NUP205: variants seen among roughly 807,000 people sequenced by gnomAD.
The protein encoded by NUP205 is nuclear pore complex protein Nup205.
NUP205 carries 76 observed loss-of-function variants against 253.8 expected under a neutral mutation model. That is an observed-to-expected ratio of 0.30 (90% CI 0.25 to 0.36). The LOEUF (loss-of-function observed/expected upper bound fraction) is 0.36. NUP205 is among the 10% of genes least tolerant of loss of function. The pLI is 1.00. For synonymous variants in NUP205, 832 were observed against 850.1 expected (o/e 0.98, Z 0.37); for missense variants, 2,162 against 2,425.5 (o/e 0.89, Z 2.28).
intron 7 of NUP205, among the ~76,000 whole-genome samples, chr7:135,579,484 C>T (rs1482136266): frequency 6.6e-6 from 1 of 151,946 alleles, no homozygotes; most frequent in East Asian, 1.9e-4. Context: ...CGTGAGCCAC[C>T]CCGTCCGGCC....
At chr7:135,629,618 C>T (rs1376213182) in intron 34 of NUP205, among the ~76,000 whole-genome samples, 2 of 151,932 alleles carry the variant, frequency 1.3e-5, no homozygotes, top group Non-Finnish European at 2.9e-5. Context: ...CCTCCACCTC[C>T]CAGGTTCAAG....
Position 135,615,979 on chromosome 7 carries a change from G to C in NUP205, c.3374G>C (p.Arg1125Thr). The change falls in exon 24 of 43, where the codon AGG becomes ACG. Residue 1125 changes from arginine to threonine, a missense_variant. Transcript: ENST00000285968. Reference sequence around the variant, plus strand: ...ATGAAAACTGCCTCAATAGAGCTAAGGGTAACCTCTCTGAATCGTCAGCGG... The same window carrying C: ...ATGAAAACTGCCTCAATAGAGCTAACGGTAACCTCTCTGAATCGTCAGCGG... ...WLMKTASIEL[R>T]VTSLNRQRSH... 1 of 1,613,532 alleles carries C rather than the reference G, an allele frequency of 6.2e-7. No homozygotes were observed. The highest frequency in any genetic ancestry group is 8.5e-7 in the Non-Finnish European group (1 of 1,179,564).
In NUP205 at chr7:135,597,359, TA is replaced by T. The variant is rs773164521; in HGVS notation, c.2014-8del. ...AATGCTCCTGACATCTACTTCTTAC[TA>T]TTTTAAGATACTGCAGACCGTGAGG... On this transcript the variant is annotated splice_polypyrimidine_tract_variant and splice_region_variant and intron_variant, in intron 13 of 42. Coordinates refer to ENST00000285968, the MANE Select transcript of NUP205 (RefSeq NM_015135.3). The T allele has an allele frequency of 6.2e-7, 1 of 1,602,980 alleles. No individual in the cohort carries two copies. The highest frequency in any genetic ancestry group is 8.5e-7 in the Non-Finnish European group (1 of 1,170,220).
At position 135,603,894 on chromosome 7, in the gene NUP205, G is replaced by A. The variant is rs73725170; in HGVS notation, c.2703-446G>A. Among the ~76,000 whole-genome samples the A allele has an allele frequency of 7.1e-3, 1,087 of 152,298 alleles. 14 individuals are homozygous for A. The highest frequency in any genetic ancestry group is 0.025 in the African/African-American group (1,025 of 41,556). On this transcript the variant is annotated intron_variant, in intron 18 of 42. Transcript: ENST00000285968. ...GGAGGATAGGGCTGGAAAGGAAGCAGACTTTTCACAGAAAACTTGAGCTTT... is the reference window on the plus strand; with the variant it reads ...GGAGGATAGGGCTGGAAAGGAAGCAAACTTTTCACAGAAAACTTGAGCTTT...
intron 2 of NUP205, among the ~76,000 whole-genome samples, chr7:135,572,957 CT>C (rs1298720854): frequency 2.6e-5 from 3 of 115,188 alleles, no homozygotes; most frequent in Non-Finnish European, 3.7e-5. Flanking sequence ...TTTTTTTTTT[CT>C]TTTTTTTTCT....
At chr7:135,559,711 G>T (rs1231625225) in intron 1 of NUP205, among the ~76,000 whole-genome samples, 4 of 145,102 alleles carry the variant, frequency 2.8e-5, no homozygotes, top group African/African-American at 1.0e-4. Flanking sequence ...CTTTTTTTGA[G>T]ATGGAGTCTC....
chr7:135,634,674 C>T (rs1045504621), intron 35 of NUP205, among the ~76,000 whole-genome samples: 8 of 152,002 alleles, frequency 5.3e-5, no homozygotes, highest in Admixed American at 3.9e-4. Context: ...GAAGAGAAAG[C>T]GATCCTGGGA....
At position 135,622,798 on chromosome 7, in the gene NUP205, G is replaced by C. The variant is rs779462113; in HGVS notation, c.4352G>C (p.Arg1451Thr). The part of the protein sequence containing the change: ...LEAAKKTMWE[R>T]LTAPEDVFSK... ...TTAGCCAAGAAAACCATGTGGGAAA[G>C]GCTGACAGCCCCTGAAGATGTATTT... The change falls in exon 31 of 43, where the codon AGG becomes ACG. Residue 1451 changes from arginine (R) to threonine (T), a missense_variant. Arg to Thr is a moderately conservative substitution (Grantham distance 71, BLOSUM62 -1). Around this residue, in one of 5 missense-constraint regions of NUP205, gnomAD observed 1,144 missense variants for 1,280.9 expected, o/e 0.89. Transcript: ENST00000285968. 6.2e-7 allele frequency: 1 copy of C among 1,613,838 alleles called. No individual in the cohort carries two copies. Among genetic ancestry groups the C allele is most frequent in the Non-Finnish European group, 8.5e-7 (1 of 1,179,968 alleles).
Position 135,643,364 on chromosome 7 carries a change from A to G in NUP205, c.5559+6A>G, listed in dbSNP as rs1794949828. ...CCCCAGATGAGATAAAAGAGGTACG[A>G]ATCTTATAATGAGCTGGGGGGACTT... On this transcript the variant is annotated splice_donor_region_variant and intron_variant, in intron 39 of 42. Transcript: ENST00000285968. 1.9e-6 allele frequency: 3 copies of G among 1,611,954 alleles called. No individual in the cohort carries two copies. The East Asian group carries it at 6.7e-5, about 36-fold the overall frequency.
At chr7:135,635,773 G>T in intron 36 of NUP205, 116 bp downstream of exon 36, 2 of 569,354 alleles carry the variant, frequency 3.5e-6, no homozygotes, top group African/African-American at 1.9e-5. Flanking sequence ...TGGTTCTTTA[G>T]TTTTTCTAAA....
At chr7:135,578,949 A>G in intron 7 of NUP205, 34 bp downstream of exon 7, 2 of 1,542,618 alleles carry the variant, frequency 1.3e-6, no homozygotes, top group East Asian at 4.6e-5. Flanking sequence ...GTTATGAGAA[A>G]CAGCATGTTA....
chr7:135,619,295 T>C, intron 28 of NUP205, 128 bp from the exon 29 acceptor site: 3 of 957,156 alleles, frequency 3.1e-6, no homozygotes, highest in Non-Finnish European at 4.7e-6. Flanking sequence ...TGAGCTGAGA[T>C]TATGCTACTG....
At chr7:135,608,334 T>C (rs1375381510) in intron 22 of NUP205, among the ~76,000 whole-genome samples, 1 of 152,158 alleles carries the variant, frequency 6.6e-6, no homozygotes, top group Non-Finnish European at 1.5e-5. Flanking sequence ...AGAAAGCACT[T>C]TTTAATAACC....
At chr7:135,598,463 A>G (rs1371790482) in intron 15 of NUP205, among the ~76,000 whole-genome samples, 1 of 152,250 alleles carries the variant, frequency 6.6e-6, no homozygotes, top group East Asian at 1.9e-4. Context: ...TAGTTTAACA[A>G]GTTTTGACTA....
intron 38 of NUP205, among the ~76,000 whole-genome samples, chr7:135,642,793 C>T (rs1301430592): frequency 1.3e-5 from 2 of 151,764 alleles, no homozygotes; most frequent in African/African-American, 4.9e-5. Flanking sequence ...GAATTAGTCA[C>T]TTGGTGTTAA....
At chr7:135,583,300 A>G (rs1422731580) in intron 7 of NUP205, among the ~76,000 whole-genome samples, 1 of 152,142 alleles carries the variant, frequency 6.6e-6, no homozygotes, top group African/African-American at 2.4e-5. Context: ...CCACACAATT[A>G]CCTAGTAATT....
intron 5 of NUP205, 144 bp downstream of exon 5, chr7:135,577,272 T>C: frequency 1.3e-6 from 1 of 744,692 alleles, no homozygotes; most frequent in Non-Finnish European, 2.2e-6. Flanking sequence ...TTTGCTTTTA[T>C]TATTTTTCAT....
intron 17 of NUP205, among the ~76,000 whole-genome samples, 174 bp from the exon 18 acceptor site, chr7:135,602,631 T>C (rs895089478): frequency 3.3e-5 from 5 of 152,214 alleles, no homozygotes; most frequent in African/African-American, 1.2e-4. Flanking sequence ...GGAGCTGAAA[T>C]TTTGAAACAA....
At chr7:135,597,278 G>C in intron 13 of NUP205, 90 bp from the exon 14 acceptor site, 1 of 847,094 alleles carries the variant, frequency 1.2e-6, no homozygotes, top group Admixed American at 1.9e-5. Context: ...GGGTCCAGTG[G>C]GTGAGGTATG....
Sources: gnomAD v4.1 joint callset for allele counts (sites outside exome capture counted in the v4.1 genomes callset) on GRCh38, gnomAD v4.1.1 for gene constraint, gnomAD v4.1.1 regional missense constraint, MANE v1.5 for transcripts, NCBI Gene and HGNC (gene_info 2026-07-23, HGNC 2026-07-21) for gene names.